Variants in SAMD12 observed in about 807,000 individuals in gnomAD.
The protein encoded by SAMD12 is sterile alpha motif domain-containing protein 12.
In SAMD12, 9 loss-of-function variants were observed where a neutral mutation model predicts 15.0. The ratio of observed to expected loss-of-function variants is 0.60; its 90% CI spans 0.36 to 1.05. SAMD12 has a LOEUF of 1.05. SAMD12 is among the 50% of genes least tolerant of loss of function. SAMD12 has a pLI of 0.01. For synonymous variants in SAMD12, 86 were observed against 90.1 expected (o/e 0.96, Z 0.25); for missense variants, 230 against 234.2 (o/e 0.98, Z 0.12).
intron 3 of SAMD12, among the ~76,000 whole-genome samples, chr8:118,397,095 T>C (rs1164657873): frequency 1.3e-5 from 2 of 152,150 alleles, no homozygotes; most frequent in African/African-American, 4.8e-5. Flanking sequence ...CCCACATCTA[T>C]GAGATATTCA....
chr8:118,599,468 T>C (rs1827801474), intron 1 of SAMD12, among the ~76,000 whole-genome samples: 1 of 152,114 alleles, frequency 6.6e-6, no homozygotes, highest in South Asian at 2.1e-4. Context: ...CCCCAAATAT[T>C]CACTGCTGGC....
At chr8:118,138,721 C>T in the SAMD12 span, among the ~76,000 whole-genome samples, 70 of 152,264 alleles carry the variant, frequency 4.6e-4, no homozygotes, top group East Asian at 0.011. Context: ...AAAATATAGG[C>T]GAGATGGCAG....
chr8:118,462,154 C>T (rs1823440818), intron 2 of SAMD12, among the ~76,000 whole-genome samples: 1 of 152,168 alleles, frequency 6.6e-6, no homozygotes, highest in African/African-American at 2.4e-5. Context: ...CTCTCTCATT[C>T]CTAGTATTTT....
At chr8:118,143,802 A>T in the SAMD12 span, among the ~76,000 whole-genome samples, 1 of 152,190 alleles carries the variant, frequency 6.6e-6, no homozygotes, top group Admixed American at 6.5e-5. Context: ...AAGCACGAAA[A>T]CACGGAGAGG....
intron 2 of SAMD12, among the ~76,000 whole-genome samples, chr8:118,502,989 A>G (rs558548539): frequency 6.6e-6 from 1 of 152,362 alleles, no homozygotes; most frequent in East Asian, 1.9e-4. Flanking sequence ...TAATGTGACA[A>G]GCACTATAAA....
At chr8:118,551,408 A>C (rs1321064987) in intron 2 of SAMD12, among the ~76,000 whole-genome samples, 2 of 151,866 alleles carry the variant, frequency 1.3e-5, no homozygotes, top group Non-Finnish European at 2.9e-5. Flanking sequence ...AAACTGAACA[A>C]CCTGCTCCTG....
chr8:118,535,996 T>C (rs1257277922), intron 2 of SAMD12, among the ~76,000 whole-genome samples: 1 of 152,198 alleles, frequency 6.6e-6, no homozygotes, highest in African/African-American at 2.4e-5. Context: ...ATGAACCCAG[T>C]ACCTCAGTTG....
chr8:118,140,138 C>T, the SAMD12 span, among the ~76,000 whole-genome samples: 1 of 152,104 alleles, frequency 6.6e-6, no homozygotes, highest in Non-Finnish European at 1.5e-5. Flanking sequence ...TCAAAAATGG[C>T]ACAATTGAAG....
At chr8:118,511,471 G>T (rs894732965) in intron 2 of SAMD12, among the ~76,000 whole-genome samples, 1 of 151,504 alleles carries the variant, frequency 6.6e-6, no homozygotes. Context: ...TTAAATGTAC[G>T]TGAATAGATG....
At chr8:118,230,144 A>C (rs575642522) in intron 4 of SAMD12, among the ~76,000 whole-genome samples, 34 of 152,268 alleles carry the variant, frequency 2.2e-4, no homozygotes, top group African/African-American at 7.7e-4. Context: ...ATAGGAGCCA[A>C]CGTTTAATGA....
intron 2 of SAMD12, among the ~76,000 whole-genome samples, chr8:118,487,819 A>G (rs1384310847): frequency 6.6e-6 from 1 of 152,218 alleles, no homozygotes; most frequent in Non-Finnish European, 1.5e-5. Context: ...TCTCTCGATC[A>G]CAATATGGTC....
chr8:118,427,483 C>G (rs952256035), intron 3 of SAMD12, among the ~76,000 whole-genome samples: 41 of 152,180 alleles, frequency 2.7e-4, no homozygotes, highest in African/African-American at 9.2e-4. Context: ...CAGGCAACCA[C>G]TGATCTGACT....
At chr8:118,216,630 T>G (rs570995729) in intron 4 of SAMD12, among the ~76,000 whole-genome samples, 1 of 152,208 alleles carries the variant, frequency 6.6e-6, no homozygotes, top group Non-Finnish European at 1.5e-5. Flanking sequence ...TATCAATTAC[T>G]AGTAGTTGGT....
intron 2 of SAMD12, among the ~76,000 whole-genome samples, chr8:118,572,390 A>G (rs1255029236): frequency 1.3e-5 from 2 of 152,166 alleles, no homozygotes; most frequent in Non-Finnish European, 2.9e-5. Context: ...AACTGTTGGG[A>G]AGGCATGATT....
At chr8:118,150,046 G>A in the SAMD12 span, among the ~76,000 whole-genome samples, 1 of 152,112 alleles carries the variant, frequency 6.6e-6, no homozygotes, top group African/African-American at 2.4e-5. Context: ...ATTTAATAAA[G>A]TCTGAAGACA....
intron 1 of SAMD12, among the ~76,000 whole-genome samples, chr8:118,616,798 G>A (rs1254769597): frequency 6.6e-6 from 1 of 152,216 alleles, no homozygotes; most frequent in African/African-American, 2.4e-5. Flanking sequence ...GATGTGAGCA[G>A]TGAGCAAGCA....
At chr8:118,203,179 T>C (rs1819760983) in intron 4 of SAMD12, among the ~76,000 whole-genome samples, 1 of 152,228 alleles carries the variant, frequency 6.6e-6, no homozygotes, top group South Asian at 2.1e-4. Flanking sequence ...ATCAAGTAAC[T>C]GTGTTTGCAT....
intron 3 of SAMD12, chr8:118,400,355 C>T (rs3204969): frequency 6.6e-6 from 1 of 152,174 alleles, no homozygotes; most frequent in Non-Finnish European, 1.5e-5. Context: ...TGGGTCAAAT[C>T]TAGGACCACC....
chr8:118,462,026 T>C (rs531495509), intron 2 of SAMD12, among the ~76,000 whole-genome samples: 8 of 152,366 alleles, frequency 5.3e-5, no homozygotes, highest in African/African-American at 1.9e-4. Flanking sequence ...CATAAGGACT[T>C]ACTAAATGGT....
Sources: gnomAD v4.1 joint callset for allele counts (sites outside exome capture counted in the v4.1 genomes callset) on GRCh38, gnomAD v4.1.1 for gene constraint, MANE v1.5 for transcripts, NCBI Gene and HGNC (gene_info 2026-07-23, HGNC 2026-07-21) for gene names.